Variants in MSANTD2 observed in about 807,000 individuals in gnomAD.
MSANTD2 encodes the protein myb/SANT-like DNA-binding domain-containing protein 2.
MSANTD2 carries 19 observed loss-of-function variants against 52.6 expected under a neutral mutation model. That is an observed-to-expected ratio of 0.36 (90% CI 0.25 to 0.53). The LOEUF is 0.53. Ranked by LOEUF, MSANTD2 falls within the 20% of genes least tolerant of loss-of-function variation. MSANTD2 has a pLI of 0.91. For synonymous variants in MSANTD2, 291 were observed against 289.7 expected (o/e 1.00, Z -0.04); for missense variants, 558 against 716.3 (o/e 0.78, Z 2.52).
rs115942177 is a variant in MSANTD2, at chr11:124,767,713, G to A, written c.1143C>T (p.Ser381=). ...VYYKFLEITI[S]EARCLELHME... ...TGTGCAGCTCCAAGCACCTAGCTTC[G>A]CTAATAGTGATCTCTAAAAATTTGT... Residue 381 remains serine, a synonymous_variant, in exon 4 of 4, where the codon AGC becomes AGT. Coordinates refer to ENST00000374979, the MANE Select transcript of MSANTD2 (RefSeq NM_001308027.2). This position sits in a 1 kb window ranked among gnomAD's most constrained non-coding sequence, Gnocchi z 6.5. 1.4e-3 allele frequency: 2,310 copies of A among 1,614,202 alleles called. 31 individuals carry two copies. In the African/African-American group the frequency reaches 0.027, roughly 19 times the overall value.
chr11:124,782,409 G>C (rs563020797), intron 1 of MSANTD2, among the ~76,000 whole-genome samples: 1 of 152,022 alleles, frequency 6.6e-6, no homozygotes, highest in South Asian at 2.1e-4. Context: ...CCATGATCAC[G>C]CCACTGCACT....
At chr11:124,799,721 A>C (rs754614979) in intron 1 of MSANTD2, 150 bp downstream of exon 1, 40 of 593,746 alleles carry the variant, frequency 6.7e-5, no homozygotes, top group Non-Finnish European at 8.5e-5. Flanking sequence ...CCCCCTTCCC[A>C]GGGAGAGAAG....
Position 124,799,838 on chromosome 11 carries a change from T to C in MSANTD2, c.510+33A>G, listed in dbSNP as rs1206619852. The C allele has an allele frequency of 3.3e-6, 5 of 1,521,872 alleles. No individual in the cohort carries two copies. In the East Asian group the frequency reaches 1.2e-4, roughly 38 times the overall value. 94.3% of individuals were successfully genotyped at this position (1,521,872 alleles called of 1,614,324 possible). On this transcript the variant is annotated intron_variant, in intron 1 of 3. Transcript: ENST00000374979. Reference sequence around the variant, plus strand: ...CGCTTCCCCGCCTTCTCTCTGCCTCTGGTTCGCTGCCCCAGGCCGGGCGGC... The same window carrying C: ...CGCTTCCCCGCCTTCTCTCTGCCTCCGGTTCGCTGCCCCAGGCCGGGCGGC...
chr11:124,767,103 G>T lies in MSANTD2; in HGVS notation c.*73C>A. On this transcript the variant is annotated 3_prime_UTR_variant, in exon 4 of 4. Coordinates refer to ENST00000374979, the MANE Select transcript of MSANTD2 (RefSeq NM_001308027.2). The surrounding 1 kb of genome is among the most constrained non-coding windows in gnomAD (Gnocchi z 6.5). Reference sequence around the variant, plus strand: ...GAGTCTGACGGCGGCATCTGGATGAGGGGTGGTCCGGGTAATGGGAAGTGA... The same window carrying T: ...GAGTCTGACGGCGGCATCTGGATGATGGGTGGTCCGGGTAATGGGAAGTGA... 1 of 1,438,678 alleles carries T rather than the reference G, an allele frequency of 7.0e-7. No individual in the cohort carries two copies. The highest frequency in any genetic ancestry group is 9.4e-7 in the Non-Finnish European group (1 of 1,064,424). 89.1% of individuals were successfully genotyped at this position (1,438,678 alleles called of 1,614,324 possible).
intron 1 of MSANTD2, chr11:124,775,342 G>A (rs1330698310): frequency 5.9e-6 from 1 of 170,608 alleles, no homozygotes; most frequent in African/African-American, 2.4e-5. Context: ...CCACAGAAGA[G>A]AGAGAGCTGC....
intron 1 of MSANTD2, among the ~76,000 whole-genome samples, chr11:124,798,534 T>C (rs771025169): frequency 6.6e-6 from 1 of 152,168 alleles, no homozygotes; most frequent in Non-Finnish European, 1.5e-5. Flanking sequence ...AATACACTAA[T>C]TTAAATTTGT....
chr11:124,786,861 A>C (rs1945178657), intron 1 of MSANTD2, among the ~76,000 whole-genome samples: 1 of 152,234 alleles, frequency 6.6e-6, no homozygotes, highest in Non-Finnish European at 1.5e-5. Context: ...ACATGACTTC[A>C]ATTGTCAAAA....
chr11:124,781,991 C>T (rs1387768501), intron 1 of MSANTD2, among the ~76,000 whole-genome samples: 2 of 152,092 alleles, frequency 1.3e-5, no homozygotes, highest in Non-Finnish European at 2.9e-5. Flanking sequence ...CAAACTTTGT[C>T]CTTAACTCAT....
intron 1 of MSANTD2, among the ~76,000 whole-genome samples, chr11:124,780,645 A>G (rs1944925953): frequency 6.6e-6 from 1 of 152,202 alleles, no homozygotes; most frequent in African/African-American, 2.4e-5. Context: ...TCGTTAAAAA[A>G]TTCTGCTCTG....
chr11:124,791,292 C>T (rs1398612118), intron 1 of MSANTD2: 2 of 1,451,004 alleles, frequency 1.4e-6, no homozygotes, highest in East Asian at 4.6e-5. Flanking sequence ...CCTCCTAGAA[C>T]TGTCCCTGTG....
At chr11:124,788,073 C>T (rs1945215979) in intron 1 of MSANTD2, among the ~76,000 whole-genome samples, 2 of 144,144 alleles carry the variant, frequency 1.4e-5, no homozygotes, top group Admixed American at 1.4e-4. Flanking sequence ...CAGAGCAAGA[C>T]CCTGTCTCAA....
chr11:124,781,652 CTTTTTT>C (rs571106311), intron 1 of MSANTD2, among the ~76,000 whole-genome samples: 1 of 134,210 alleles, frequency 7.5e-6, no homozygotes, highest in Admixed American at 7.4e-5. Context: ...TCATCAATGT[CTTTTTT>C]TTTTTTTTTT....
chr11:124,791,527 A>G, intron 1 of MSANTD2: 1 of 1,137,186 alleles, frequency 8.8e-7, no homozygotes, highest in Admixed American at 2.0e-5. Context: ...GATAAATGAA[A>G]CGACAGAAGG....
intron 1 of MSANTD2, chr11:124,792,602 C>G (rs956536688): frequency 1.3e-5 from 2 of 152,058 alleles, no homozygotes; most frequent in African/African-American, 4.8e-5. Flanking sequence ...CCTGTAGCAC[C>G]ATAAGCATAA....
intron 1 of MSANTD2, among the ~76,000 whole-genome samples, chr11:124,787,153 A>C (rs556362695): frequency 6.6e-6 from 1 of 152,356 alleles, no homozygotes; most frequent in East Asian, 1.9e-4. Flanking sequence ...AAAATGATAC[A>C]GTCACACCAT....
chr11:124,791,364 A>G, intron 1 of MSANTD2: 3 of 1,384,490 alleles, frequency 2.2e-6, no homozygotes, highest in Non-Finnish European at 3.1e-6. Flanking sequence ...TGTGCAAGAC[A>G]AACAAGGCAT....
Position 124,800,205 on chromosome 11 carries a change from C to T in MSANTD2, c.176G>A (p.Gly59Glu). Residue 59 changes from glycine (G) to glutamate (E), a missense_variant, in exon 1 of 4, where the codon GGG (glycine) becomes GAG (glutamate). Physicochemically the swap from Gly to Glu is moderately conservative, Grantham distance 98. Transcript: ENST00000374979. The surrounding 1 kb of genome is among the most constrained non-coding windows in gnomAD (Gnocchi z 4.3). ...CCCGAGACCCCCGGACGCCGCTGCC[C>T]CCGAGCCCGCCGCACTGCCCGGCCC... ...PLGPGSAAGS[G>E]AAASGGLGLG... 6.8e-7 allele frequency: 1 copy of T among 1,480,386 alleles called. No homozygotes were observed. 91.7% of individuals were successfully genotyped at this position (1,480,386 alleles called of 1,614,324 possible). A position where few individuals can be genotyped will look rare whatever the true frequency, so the allele number is the denominator to read the frequency against.
intron 3 of MSANTD2, among the ~76,000 whole-genome samples, chr11:124,770,811 G>C (rs1045707461): frequency 1.5e-5 from 2 of 131,404 alleles, no homozygotes; most frequent in Non-Finnish European, 3.1e-5. Context: ...ACAGAGTCTT[G>C]CACCTGCGTG....
intron 1 of MSANTD2, chr11:124,791,695 C>T: frequency 3.5e-6 from 4 of 1,134,790 alleles, no homozygotes; most frequent in Non-Finnish European, 5.2e-6. Context: ...AAGGCTGTGG[C>T]TGGGGAAGGG....
Sources: gnomAD v4.1 joint callset for allele counts (sites outside exome capture counted in the v4.1 genomes callset) on GRCh38, gnomAD v4.1.1 for gene constraint, Gnocchi (gnomAD v3.1) non-coding constraint, MANE v1.5 for transcripts, NCBI Gene and HGNC (gene_info 2026-07-23, HGNC 2026-07-21) for gene names.